The following SCUBE1 variants were observed in gnomAD, a reference collection of about 807,000 sequenced individuals.
The protein encoded by SCUBE1 is signal peptide, CUB domain and EGF like domain containing 1.
Under a neutral mutation model 124.4 loss-of-function variants are expected in SCUBE1, and 59 were observed. The ratio of observed to expected loss-of-function variants is 0.47; its 90% CI spans 0.38 to 0.59. The LOEUF is 0.59. Among genes scored for constraint, SCUBE1 ranks in the 20% least tolerant of loss-of-function variants. The pLI, the probability that SCUBE1 is intolerant of heterozygous loss-of-function variation, is 0.00. For synonymous variants in SCUBE1, 545 were observed against 550.9 expected, an observed-to-expected ratio of 0.99 and a Z score of 0.15; for missense variants, 1,150 against 1,371.2, an observed-to-expected ratio of 0.84 and a Z score of 2.55.
intron 10 of SCUBE1, 62 bp from the exon 11 acceptor site, chr22:43,223,278 G>A: frequency 6.6e-7 from 1 of 1,522,546 alleles, no homozygotes; most frequent in Non-Finnish European, 8.7e-7. Flanking sequence ...CTGGAGCCAG[G>A]AGGGTCCTGG....
At chr22:43,303,540 C>T (rs1925853763) in intron 3 of SCUBE1, among the ~76,000 whole-genome samples, 1 of 152,258 alleles carries the variant, frequency 6.6e-6, no homozygotes, top group African/African-American at 2.4e-5. Context: ...CCACAGAAGG[C>T]AGTGGCAGAG....
Position 43,229,115 on chromosome 22 carries a change from C to T in SCUBE1, c.1041G>A (p.Leu347=). 6.2e-7 allele frequency: 1 copy of T among 1,613,972 alleles called. No homozygotes were observed. Among genetic ancestry groups the T allele is most frequent in the Non-Finnish European group, 8.5e-7 (1 of 1,180,018 alleles). Residue 347 remains leucine, a synonymous_variant, in exon 9 of 22, where the codon CTG becomes CTA. Coordinates refer to ENST00000360835, the MANE Select transcript of SCUBE1 (RefSeq NM_173050.5). ...CGTAGAGGATGTAGCCGCGGTGACA[C>T]AGGCACTGGAAGCTGCCCGGGGAGT... ...CINSPGSFQC[L]CHRGYILYGT...
intron 1 of SCUBE1, among the ~76,000 whole-genome samples, chr22:43,339,743 A>T (rs13053727): frequency 0.2 from 4,011 of 20,340 alleles, 41 homozygotes; most frequent in Middle Eastern, 0.25. Context: ...CCACAAGCAT[A>T]GCTCCAACCC....
intron 2 of SCUBE1, among the ~76,000 whole-genome samples, chr22:43,328,261 A>G (rs889440157): frequency 2.9e-5 from 4 of 138,966 alleles, no homozygotes; most frequent in Non-Finnish European, 4.7e-5. Context: ...GTGAAAATGG[A>G]GCCGTTGGCG....
chr22:43,314,502 T>C (rs936981357), intron 3 of SCUBE1, among the ~76,000 whole-genome samples: 1 of 152,098 alleles, frequency 6.6e-6, no homozygotes, highest in African/African-American at 2.4e-5. Flanking sequence ...CCCACCACCA[T>C]GGAGTAAGGG....
intron 3 of SCUBE1, among the ~76,000 whole-genome samples, chr22:43,315,897 G>C (rs1926330208): frequency 6.6e-6 from 1 of 152,176 alleles, no homozygotes; most frequent in Admixed American, 6.5e-5. Flanking sequence ...GGGGACACTG[G>C]GAGTACTTGC....
At chr22:43,256,218 C>G (rs189759674) in intron 6 of SCUBE1, among the ~76,000 whole-genome samples, 27 of 152,336 alleles carry the variant, frequency 1.8e-4, no homozygotes, top group Admixed American at 1.6e-3. Flanking sequence ...GCCTGCTTGT[C>G]TATAGAGGAC....
rs12165547 is a variant in SCUBE1 at position 43,279,888 on chromosome 22, G to A, written c.484+11158C>T. Among the ~76,000 whole-genome samples, 1,145 of 152,270 alleles carry A rather than the reference G, an allele frequency of 7.5e-3. 17 individuals are homozygous for A. Among genetic ancestry groups the A allele is most frequent in the African/African-American group, 0.026 (1,087 of 41,532 alleles). Reference sequence around the variant, plus strand: ...GTGGTCACTAAAGTGCAGTACAGACGGCAGAAGAATCCTGATGTCCCCAGT... The same window carrying A: ...GTGGTCACTAAAGTGCAGTACAGACAGCAGAAGAATCCTGATGTCCCCAGT... On this transcript the variant is annotated intron_variant, in intron 4 of 21. Coordinates refer to ENST00000360835, the MANE Select transcript of SCUBE1 (RefSeq NM_173050.5).
chr22:43,337,566 C>T (rs1245805283), intron 2 of SCUBE1, among the ~76,000 whole-genome samples: 2 of 152,228 alleles, frequency 1.3e-5, no homozygotes, highest in Admixed American at 6.5e-5. Context: ...CCTCTGTGTG[C>T]CTCCAGCCTG....
In SCUBE1 at chr22:43,212,568, G is replaced by A. The variant is rs369158291; in HGVS notation, c.2078C>T (p.Ser693Leu). Residue 693 changes from serine to leucine, a missense_variant, in exon 17 of 22, where the codon TCG becomes TTG. Coordinates refer to ENST00000360835, the MANE Select transcript of SCUBE1 (RefSeq NM_173050.5). ...CGGQCSPGFF[S>L]ADGFKPCQAC... ...CTGGCAGGGCTTGAAGCCATCGGCC[G>A]AGAAGAAGCCTGGAGAACACTGGCC... The A allele has an allele frequency of 1.6e-5, 25 of 1,567,472 alleles. No homozygotes were observed. The highest frequency in any genetic ancestry group is 1.4e-4 in the African/African-American group (10 of 73,686).
rs1056252584 is a variant in SCUBE1 at position 43,273,561 on chromosome 22, C to CTTTTTTTTTTTTTTTTTT, written c.485-10734_485-10717dup. On this transcript the variant is annotated intron_variant, in intron 4 of 21. Transcript: ENST00000360835. ...TATAAAGTGGGGAGACTAAAACCCTCTTTTTTTTTTTTTTTTTTTTTTTTG... is the reference window on the plus strand; with the variant it reads ...TATAAAGTGGGGAGACTAAAACCCTCTTTTTTTTTTTTTTTTTTTTTTTTTTTTTTTTTTTTTTTTTTG... Among the ~76,000 whole-genome samples, 12 of 60,948 alleles carry CTTTTTTTTTTTTTTTTTT rather than the reference C, an allele frequency of 2.0e-4. 2 individuals are homozygous for CTTTTTTTTTTTTTTTTTT. Among genetic ancestry groups the CTTTTTTTTTTTTTTTTTT allele is most frequent in the South Asian group, 6.7e-4 (1 of 1,484 alleles). The allele number at this position is 60,948 out of a possible 152,430, so 40.0% of individuals were successfully genotyped here.
At chr22:43,238,770 G>A (rs1922874984) in intron 7 of SCUBE1, 68 bp downstream of exon 7, 1 of 1,304,994 alleles carries the variant, frequency 7.7e-7, no homozygotes, top group Non-Finnish European at 1.1e-6. Context: ...GCCCGGCTAT[G>A]CAAGCACACG....
chr22:43,221,347 G>C, intron 12 of SCUBE1, 58 bp from the exon 13 acceptor site: 2 of 973,858 alleles, frequency 2.1e-6, no homozygotes, highest in Non-Finnish European at 3.3e-6. Context: ...AGGAGGTGGT[G>C]GGGGACGGGG....
At chr22:43,271,837 C>T (rs537600102) in intron 4 of SCUBE1, among the ~76,000 whole-genome samples, 58 of 152,306 alleles carry the variant, frequency 3.8e-4, no homozygotes, top group Non-Finnish European at 6.2e-4. Context: ...CTGTGTCAGG[C>T]CCCACAGTGG....
At chr22:43,212,825 CCTT>C (rs1240000100) in intron 16 of SCUBE1, 2 of 555,358 alleles carry the variant, frequency 3.6e-6, no homozygotes, top group Non-Finnish European at 6.3e-6. Context: ...GCCTGGCTCT[CCTT>C]CTCCCACCAG....
chr22:43,233,587 G>A (rs909233038), intron 7 of SCUBE1: 1 of 152,220 alleles, frequency 6.6e-6, no homozygotes, highest in Non-Finnish European at 1.5e-5. Context: ...TACCTGAAGG[G>A]CCCTGTCCAG....
At chr22:43,212,886 G>A (rs1921631234) in intron 16 of SCUBE1, among the ~76,000 whole-genome samples, 1 of 152,200 alleles carries the variant, frequency 6.6e-6, no homozygotes, top group South Asian at 2.1e-4. Flanking sequence ...TGCTGAGCTG[G>A]GAAGGGGACC....
chr22:43,216,311 T>C (rs1199036538), intron 15 of SCUBE1, among the ~76,000 whole-genome samples: 2 of 146,698 alleles, frequency 1.4e-5, no homozygotes, highest in Non-Finnish European at 3.0e-5. Flanking sequence ...CCTCCCAAAG[T>C]GCTGGGATTA....
At chr22:43,340,909 T>G (rs1927291310) in intron 1 of SCUBE1, among the ~76,000 whole-genome samples, 1 of 152,006 alleles carries the variant, frequency 6.6e-6, no homozygotes, top group South Asian at 2.1e-4. Flanking sequence ...TCCCCAAGAG[T>G]GTCCACTCTA....
Sources: allele counts gnomAD v4.1 joint callset (sites outside exome capture counted in the v4.1 genomes callset), GRCh38; gene constraint gnomAD v4.1.1; transcripts MANE v1.5; gene names NCBI Gene and HGNC (gene_info 2026-07-23, HGNC 2026-07-21).